MTSS1: variants seen among roughly 807,000 people sequenced by gnomAD.
The protein encoded by MTSS1 is protein MTSS 1.
MTSS1 carries 18 observed loss-of-function variants against 79.0 expected under a neutral mutation model. The observed-to-expected ratio is 0.23, with a 90% CI of 0.16 to 0.34. MTSS1 has a LOEUF of 0.34. Ranked by LOEUF, MTSS1 falls within the 10% of genes least tolerant of loss-of-function variation. The probability of loss-of-function intolerance (pLI) is 1.00; values close to 1 mark genes in which losing one functional copy is unlikely to be tolerated. For synonymous variants in MTSS1, 341 were observed against 368.6 expected (o/e 0.93, Z 0.86); for missense variants, 815 against 986.2 (o/e 0.83, Z 2.33).
chr8:124,722,817 G>A (rs1833141570), intron 1 of MTSS1, among the ~76,000 whole-genome samples: 1 of 152,184 alleles, frequency 6.6e-6, no homozygotes, highest in Non-Finnish European at 1.5e-5. Flanking sequence ...TTTGGGGTAA[G>A]TGTCCTGAAG....
intron 1 of MTSS1, among the ~76,000 whole-genome samples, chr8:124,722,806 T>C (rs900503850): frequency 3.9e-5 from 6 of 152,134 alleles, no homozygotes; most frequent in African/African-American, 1.4e-4. Flanking sequence ...AGGTGTGGGT[T>C]TTTGGGGTAA....
At chr8:124,588,478 G>A (rs550327821) in intron 5 of MTSS1, among the ~76,000 whole-genome samples, 1 of 152,286 alleles carries the variant, frequency 6.6e-6, no homozygotes, top group East Asian at 1.9e-4. Flanking sequence ...TCACTCGAAA[G>A]CATCAGTGCT....
chr8:124,692,999 C>G (rs1828212385), intron 3 of MTSS1, among the ~76,000 whole-genome samples: 1 of 151,980 alleles, frequency 6.6e-6, no homozygotes, highest in Non-Finnish European at 1.5e-5. Context: ...CCAGCATGTC[C>G]CCCGAGGCCC....
chr8:124,568,116 G>A (rs1826930254), intron 7 of MTSS1: 6 of 710,554 alleles, frequency 8.4e-6, no homozygotes, highest in Non-Finnish European at 1.3e-5. Flanking sequence ...GCTGACCTGG[G>A]GACCTCACTT....
chr8:124,583,985 C>A (rs948029295), intron 6 of MTSS1, among the ~76,000 whole-genome samples: 9 of 152,180 alleles, frequency 5.9e-5, no homozygotes, highest in Non-Finnish European at 1.3e-4. Flanking sequence ...ACTGCTGGGG[C>A]CAATGCTGAT....
chr8:124,652,154 T>A (rs1023464393), intron 3 of MTSS1, among the ~76,000 whole-genome samples: 4 of 152,238 alleles, frequency 2.6e-5, no homozygotes, highest in African/African-American at 9.6e-5. Flanking sequence ...TTATTCCAAC[T>A]TCTTAGCCAG....
At chr8:124,628,357 A>G (rs1815167153) in intron 3 of MTSS1, among the ~76,000 whole-genome samples, 1 of 152,174 alleles carries the variant, frequency 6.6e-6, no homozygotes, top group Non-Finnish European at 1.5e-5. Flanking sequence ...ACACGGCACC[A>G]ATTATCTCTT....
At chr8:124,560,127 G>T (rs994698918) in intron 10 of MTSS1, among the ~76,000 whole-genome samples, 4 of 152,198 alleles carry the variant, frequency 2.6e-5, no homozygotes, top group Non-Finnish European at 2.9e-5. Flanking sequence ...CTGGTTAGCA[G>T]CCCAGGATTT....
intron 3 of MTSS1, among the ~76,000 whole-genome samples, chr8:124,646,166 T>C (rs993662670): frequency 1.3e-5 from 2 of 152,230 alleles, no homozygotes; most frequent in Admixed American, 6.5e-5. Context: ...CAAATTCCTT[T>C]GTGTTTTCTT....
chr8:124,620,179 C>T (rs1235815648), intron 3 of MTSS1, among the ~76,000 whole-genome samples: 1 of 152,122 alleles, frequency 6.6e-6, no homozygotes, highest in Non-Finnish European at 1.5e-5. Context: ...CTCCCAGCCT[C>T]AGGTGACCCG....
rs567927279 is a variant in MTSS1 at position 124,593,127 on chromosome 8, T to G, written c.209-1892A>C. 4.7e-4 allele frequency among the ~76,000 whole-genome samples: 72 copies of G among 152,348 alleles called. 1 individual carries two copies. In the South Asian group the frequency reaches 8.3e-3, roughly 18 times the overall value. ...CAGGGAGAGCCAGCAGAGGGCGCCGTTTTCACACACTCTGCCCCGCCTTCT... is the reference window on the plus strand; with the variant it reads ...CAGGGAGAGCCAGCAGAGGGCGCCGGTTTCACACACTCTGCCCCGCCTTCT... On this transcript the variant is annotated intron_variant, in intron 3 of 13. Coordinates refer to ENST00000518547, the MANE Select transcript of MTSS1 (RefSeq NM_014751.6).
In MTSS1 at chr8:124,711,926, A is replaced by G. The variant is rs536597189; in HGVS notation, c.73-7735T>C. Among the ~76,000 whole-genome samples the G allele has an allele frequency of 4.0e-5, 6 of 151,864 alleles. No homozygotes were observed. In the East Asian group the frequency reaches 1.2e-3, roughly 29 times the overall value. On this transcript the variant is annotated intron_variant, in intron 1 of 13. Coordinates refer to ENST00000518547, the MANE Select transcript of MTSS1 (RefSeq NM_014751.6). Reference sequence around the variant, plus strand: ...AGGAGGCTAAGGCATGAAAATCGCTAAAGCCCAGGAGGCAGAGGTTACAAT... The same window carrying G: ...AGGAGGCTAAGGCATGAAAATCGCTGAAGCCCAGGAGGCAGAGGTTACAAT...
intron 3 of MTSS1, among the ~76,000 whole-genome samples, chr8:124,669,452 T>C (rs965464172): frequency 6.6e-6 from 1 of 152,354 alleles, no homozygotes. Context: ...CTTTTAATGA[T>C]TGACATCCTA....
Position 124,610,920 on chromosome 8 carries a change from A to G in MTSS1, c.209-19685T>C, listed in dbSNP as rs548085414. Among the ~76,000 whole-genome samples the G allele has an allele frequency of 1.7e-4, 26 of 152,328 alleles. No homozygotes were observed. In the South Asian group the frequency reaches 5.4e-3, roughly 32 times the overall value. On this transcript the variant is annotated intron_variant, in intron 3 of 13. Transcript: ENST00000518547. ...GCTAGTTTCCAATTCTAGCCATTCA[A>G]TGCCACCTGGAAATCCATGGTTGTC... is the stretch of plus-strand genomic sequence containing the variant.
intron 9 of MTSS1, 193 bp from the exon 10 acceptor site, chr8:124,563,185 T>C: frequency 1.7e-6 from 1 of 593,570 alleles, no homozygotes; most frequent in Non-Finnish European, 3.0e-6. Context: ...ATCATGAAGG[T>C]AGTCAACAAA....
At position 124,555,407 on chromosome 8, in the gene MTSS1, G is replaced by A. The variant is rs180688098; in HGVS notation, c.1567+335C>T. Among the ~76,000 whole-genome samples, 230 of 152,188 alleles carry A rather than the reference G, an allele frequency of 1.5e-3. 1 individual carries two copies. The East Asian group carries it at 0.027, about 18-fold the overall frequency. ...ACTACAGGCGCCTGCCACCACGCCC[G>A]GCTAATTTTTTTGTATTTTTAGTAG... On this transcript the variant is annotated intron_variant, in intron 13 of 13. Coordinates refer to ENST00000518547, the MANE Select transcript of MTSS1 (RefSeq NM_014751.6).
At chr8:124,567,920 T>A (rs1826879319) in intron 7 of MTSS1, 1 of 1,411,402 alleles carries the variant, frequency 7.1e-7, no homozygotes, top group Non-Finnish European at 9.2e-7. Context: ...AATTGATTCA[T>A]TGAGGCTCTT....
At chr8:124,675,859 C>A (rs1017150229) in intron 3 of MTSS1, among the ~76,000 whole-genome samples, 1 of 152,238 alleles carries the variant, frequency 6.6e-6, no homozygotes, top group African/African-American at 2.4e-5. Flanking sequence ...CCATTATGTA[C>A]ATACCGCAAT....
At chr8:124,626,544 T>A (rs142149231) in intron 3 of MTSS1, among the ~76,000 whole-genome samples, 3,152 of 151,938 alleles carry the variant, frequency 0.021, 56 homozygotes, top group South Asian at 0.045. Context: ...TTGAGAAACA[T>A]TAAATCCAGA....
Sources: gnomAD v4.1 joint callset for allele counts (sites outside exome capture counted in the v4.1 genomes callset) on GRCh38, gnomAD v4.1.1 for gene constraint, MANE v1.5 for transcripts, NCBI Gene and HGNC (gene_info 2026-07-23, HGNC 2026-07-21) for gene names.